Variants in NISCH observed in about 807,000 individuals in gnomAD.
NISCH encodes the protein I-1 receptor candidate protein.
A neutral mutation model predicts 138.4 loss-of-function variants in NISCH; 55 were observed. The ratio of observed to expected loss-of-function variants is 0.40; its 90% CI spans 0.32 to 0.50. The LOEUF (loss-of-function observed/expected upper bound fraction) is 0.50. Ranked by LOEUF, NISCH falls within the 20% of genes least tolerant of loss-of-function variation. The probability of loss-of-function intolerance (pLI) is 0.71; values close to 1 mark genes in which losing one functional copy is unlikely to be tolerated. For missense variants in NISCH, 1,643 were observed against 2,005.5 expected, an observed-to-expected ratio of 0.82 and a Z score of 3.45; for synonymous variants, 860 against 861.5, an observed-to-expected ratio of 1.00 and a Z score of 0.03.
chr3:52,483,547 A>G (rs1229459504), intron 13 of NISCH, among the ~76,000 whole-genome samples: 1 of 152,214 alleles, frequency 6.6e-6, no homozygotes, highest in Non-Finnish European at 1.5e-5. Context: ...GGGTTTAGGA[A>G]CACTGTGCAT....
chr3:52,489,494 C>T lies in NISCH; in HGVS notation c.3272C>T (p.Pro1091Leu), dbSNP rs1335290804. 13 of 1,609,644 alleles carry T rather than the reference C, an allele frequency of 8.1e-6. No individual in the cohort carries two copies. Among genetic ancestry groups the T allele is most frequent in the Non-Finnish European group, 1.1e-5 (13 of 1,176,748 alleles). The change falls in exon 17 of 21, where the codon CCA (proline) becomes CTA (leucine). Residue 1091 changes from proline (P) to leucine (L), a missense_variant. Transcript: ENST00000345716. The part of the protein sequence containing the change: ...STSALVPEET[P>L]VEAPAPPPAE... ...TCAGCTTTGGTCCCAGAGGAGACGC[C>T]AGTGGAAGCTCCAGCCCCACCCCCA...
At position 52,487,110 on chromosome 3, in the gene NISCH, G is replaced by T. The variant is rs1427572031; in HGVS notation, c.1704-86G>T. ...CATGGGTTGGTTTCTCAGGGTCAGG[G>T]TGTAGCAGTGGGCTCCAGATGTGGC... On this transcript the variant is annotated intron_variant, in intron 15 of 20. Coordinates refer to ENST00000345716, the MANE Select transcript of NISCH (RefSeq NM_007184.4). The surrounding 1 kb of genome is among the most constrained non-coding windows in gnomAD (Gnocchi z 9.1). The T allele has an allele frequency of 6.7e-7, 1 of 1,483,300 alleles. No individual in the cohort carries two copies. Among genetic ancestry groups the T allele is most frequent in the Non-Finnish European group, 9.1e-7 (1 of 1,093,838 alleles). The allele number at this position is 1,483,300 out of a possible 1,614,324, so 91.9% of individuals were successfully genotyped here.
chr3:52,490,587 T>C, intron 18 of NISCH, 118 bp from the exon 19 acceptor site: 1 of 1,407,596 alleles, frequency 7.1e-7, no homozygotes, highest in Non-Finnish European at 9.8e-7. Flanking sequence ...CTATGGGGCT[T>C]TGCACGGGTG....
chr3:52,490,350 G>T, intron 18 of NISCH, 119 bp downstream of exon 18: 2 of 1,156,396 alleles, frequency 1.7e-6, no homozygotes, highest in Non-Finnish European at 2.5e-6. Context: ...CTTGGCTGCA[G>T]TGGGCTGAGA....
In NISCH at chr3:52,480,234, C is replaced by T. The variant is rs753949315; in HGVS notation, c.1467C>T (p.Ser489=). The part of the protein sequence containing the change: ...LSAAPCIRPS[S]SPPTVAPASA... ...CTGCCCCCTGCATCAGACCCAGCAG[C>T]TCCCCTCCCACTGTGGCTCCCGCAT... Residue 489 remains serine, a synonymous_variant, in exon 13 of 21, where the codon AGC becomes AGT. Transcript: ENST00000345716. The T allele has an allele frequency of 2.2e-5, 35 of 1,613,880 alleles. No homozygotes were observed. In the South Asian group the frequency reaches 3.7e-4, roughly 17 times the overall value.
chr3:52,459,403 C>CTT (rs1473093899), intron 3 of NISCH, among the ~76,000 whole-genome samples: 2 of 152,224 alleles, frequency 1.3e-5, no homozygotes. Flanking sequence ...CGTTGTCAGA[C>CTT]TTTAAGAAGG....
chr3:52,484,535 G>C lies in NISCH; in HGVS notation c.1551G>C (p.Glu517Asp). 1 of 1,612,394 alleles carries C rather than the reference G, an allele frequency of 6.2e-7. No homozygotes were observed. Among genetic ancestry groups the C allele is most frequent in the Non-Finnish European group, 8.5e-7 (1 of 1,179,598 alleles). The change falls in exon 14 of 21, where the codon GAG becomes GAC. Residue 517 changes from glutamate to aspartate, a missense_variant. By Grantham distance (45) the Glu-to-Asp change is conservative (BLOSUM62 2). Coordinates refer to ENST00000345716, the MANE Select transcript of NISCH (RefSeq NM_007184.4). ...CAGGAATCATGTTCGTTCAGGAGGA[G>C]GCCCTGGCCAGCAGCCTCTCGTCCA... ...SNQGIMFVQE[E>D]ALASSLSSTD...
At chr3:52,477,504 C>A in intron 8 of NISCH, 70 bp from the exon 9 acceptor site, 1 of 1,336,788 alleles carries the variant, frequency 7.5e-7, no homozygotes, top group Non-Finnish European at 1.1e-6. Flanking sequence ...GGTGCCCGTC[C>A]ACTGTGTCGG....
intron 13 of NISCH, among the ~76,000 whole-genome samples, chr3:52,482,876 G>A (rs1707312940): frequency 6.6e-6 from 1 of 152,178 alleles, no homozygotes; most frequent in Non-Finnish European, 1.5e-5. Flanking sequence ...TCCTTAGTAG[G>A]GGGTTCAAGA....
chr3:52,484,773 C>A, intron 14 of NISCH, 136 bp downstream of exon 14: 1 of 853,794 alleles, frequency 1.2e-6, no homozygotes, highest in African/African-American at 1.7e-5. Flanking sequence ...TGCTTTGTGC[C>A]ACGGTCTTTC....
At chr3:52,465,651 A>G (rs1329875354) in intron 3 of NISCH, among the ~76,000 whole-genome samples, 1 of 152,176 alleles carries the variant, frequency 6.6e-6, no homozygotes, top group African/African-American at 2.4e-5. Flanking sequence ...ACTCAGTGAA[A>G]TGGAATCCCA....
Position 52,488,328 on chromosome 3 carries a change from G to A in NISCH, c.2836G>A (p.Val946Met). Reference sequence around the variant, plus strand: ...CCGCAACAGCTTCAAGCTCAGCCGTGTGCCGCTCTCCACCGTGCTGCTGGA... The same window carrying A: ...CCGCAACAGCTTCAAGCTCAGCCGTATGCCGCTCTCCACCGTGCTGCTGGA... ...RNRNSFKLSR[V>M]PLSTVLLDPT... Residue 946 changes from valine (V) to methionine (M), a missense_variant, in exon 16 of 21, where the codon GTG becomes ATG. Physicochemically the swap from Val to Met is conservative, Grantham distance 21. Coordinates refer to ENST00000345716, the MANE Select transcript of NISCH (RefSeq NM_007184.4). The A allele has an allele frequency of 1.2e-6, 2 of 1,612,738 alleles. No homozygotes were observed. Among genetic ancestry groups the A allele is most frequent in the Non-Finnish European group, 1.7e-6 (2 of 1,180,008 alleles).
intron 1 of NISCH, among the ~76,000 whole-genome samples, chr3:52,457,148 G>A (rs1475046768): frequency 6.6e-6 from 1 of 152,234 alleles, no homozygotes; most frequent in Non-Finnish European, 1.5e-5. Flanking sequence ...GGCTCAGAGA[G>A]AACTTAGGCT....
intron 3 of NISCH, among the ~76,000 whole-genome samples, chr3:52,467,499 G>T (rs543384708): frequency 8.0e-4 from 122 of 152,264 alleles, no homozygotes; most frequent in African/African-American, 2.8e-3. Flanking sequence ...ACTCTCTGAG[G>T]AGGCCCATGT....
chr3:52,474,357 C>T (rs559435207), intron 7 of NISCH, among the ~76,000 whole-genome samples: 14 of 151,646 alleles, frequency 9.2e-5, no homozygotes, highest in South Asian at 8.4e-4. Flanking sequence ...AGTGCAGTGG[C>T]GCGATCTTGG....
chr3:52,470,600 G>C (rs1216381628), intron 3 of NISCH: 1 of 557,408 alleles, frequency 1.8e-6, no homozygotes, highest in East Asian at 3.0e-5. Flanking sequence ...AGTGCCCTTG[G>C]CCCTATGGAC....
intron 8 of NISCH, among the ~76,000 whole-genome samples, 196 bp from the exon 9 acceptor site, chr3:52,477,378 C>G (rs1182445465): frequency 6.6e-6 from 1 of 152,228 alleles, no homozygotes; most frequent in East Asian, 1.9e-4. Flanking sequence ...GTGCCCAGCA[C>G]TGGGGGCCCT....
chr3:52,492,118 A>T lies in NISCH; in HGVS notation c.4151A>T (p.Asp1384Val). ...ACCAGCTCCGAGATCTTCCTCCTGG[A>T]TGAGGACTGTGTCCACTACCCACTG... ...LLTSSEIFLL[D>V]EDCVHYPLPE... The change falls in exon 21 of 21, where the codon GAT becomes GTT. Residue 1384 changes from aspartate to valine, a missense_variant. Coordinates refer to ENST00000345716, the MANE Select transcript of NISCH (RefSeq NM_007184.4). The T allele has an allele frequency of 6.2e-7, 1 of 1,613,040 alleles. No homozygotes were observed. Among genetic ancestry groups the T allele is most frequent in the Non-Finnish European group, 8.5e-7 (1 of 1,180,010 alleles).
Position 52,487,461 on chromosome 3 carries a change from A to G in NISCH, c.1969A>G (p.Met657Val), listed in dbSNP as rs746529271. 2.7e-5 allele frequency: 43 copies of G among 1,604,246 alleles called. No individual in the cohort carries two copies. In the Admixed American group the frequency reaches 5.9e-4, roughly 22 times the overall value. Residue 657 changes from methionine to valine, a missense_variant, in exon 16 of 21, where the codon ATG becomes GTG. Physicochemically the swap from Met to Val is conservative, Grantham distance 21. Coordinates refer to ENST00000345716, the MANE Select transcript of NISCH (RefSeq NM_007184.4). The surrounding 1 kb of genome is among the most constrained non-coding windows in gnomAD (Gnocchi z 9.1). ...EDVAENRYFE[M>V]GPPDVEEEEG... ...CGTGGCTGAGAACCGCTACTTTGAA[A>G]TGGGGCCCCCAGACGTGGAGGAGGA...
Sources: allele counts gnomAD v4.1 joint callset (sites outside exome capture counted in the v4.1 genomes callset), GRCh38; gene constraint gnomAD v4.1.1; non-coding constraint Gnocchi (gnomAD v3.1); transcripts MANE v1.5; gene names NCBI Gene and HGNC (gene_info 2026-07-23, HGNC 2026-07-21).